Variants in STAG1 observed in about 807,000 individuals in gnomAD.
The protein encoded by STAG1 is cohesin subunit SA-1.
Under a neutral mutation model 170.9 loss-of-function variants are expected in STAG1, and 26 were observed. The ratio of observed to expected loss-of-function variants is 0.15; its 90% CI spans 0.11 to 0.21. The LOEUF (loss-of-function observed/expected upper bound fraction) is 0.21, where lower values mean the gene tolerates loss of function less well. Ranked by LOEUF, STAG1 falls within the 10% of genes least tolerant of loss-of-function variation. The pLI is 1.00. For missense variants in STAG1, 964 were observed against 1,509.5 expected, an observed-to-expected ratio of 0.64 and a Z score of 5.99; for synonymous variants, 514 against 497.7, an observed-to-expected ratio of 1.03 and a Z score of -0.44.
intron 14 of STAG1, 134 bp downstream of exon 14, chr3:136,451,899 T>C (rs1398524938): frequency 8.2e-6 from 5 of 609,116 alleles, no homozygotes; most frequent in East Asian, 2.9e-5. Flanking sequence ...ACTGATTCTA[T>C]ATCATGCAAT....
chr3:136,700,783 T>A (rs1943032744), intron 1 of STAG1, among the ~76,000 whole-genome samples: 1 of 152,052 alleles, frequency 6.6e-6, no homozygotes. Flanking sequence ...AACGATCCTG[T>A]TCATTTATAA....
chr3:136,357,596 A>G, intron 28 of STAG1, 124 bp downstream of exon 28: 1 of 732,354 alleles, frequency 1.4e-6, no homozygotes, highest in Non-Finnish European at 2.1e-6. Flanking sequence ...AATTCCTTAA[A>G]ACAAACTATC....
At chr3:136,647,166 C>T (rs1432815025) in intron 1 of STAG1, among the ~76,000 whole-genome samples, 1 of 152,032 alleles carries the variant, frequency 6.6e-6, no homozygotes, top group East Asian at 1.9e-4. Flanking sequence ...ATAATTGTGG[C>T]ACAGAAAATG....
chr3:136,406,019 A>G (rs2087474059), intron 21 of STAG1, among the ~76,000 whole-genome samples: 1 of 152,144 alleles, frequency 6.6e-6, no homozygotes, highest in African/African-American at 2.4e-5. Flanking sequence ...CATAAAACCT[A>G]GCAATTTTAC....
intron 21 of STAG1, among the ~76,000 whole-genome samples, chr3:136,400,191 A>G (rs1251057602): frequency 1.3e-5 from 2 of 151,996 alleles, no homozygotes; most frequent in Admixed American, 1.3e-4. Context: ...CCATACTGCT[A>G]GGATCACAGG....
chr3:136,513,472 TAAAC>T (rs141538665), intron 7 of STAG1, among the ~76,000 whole-genome samples: 2,552 of 151,494 alleles, frequency 0.017, 75 homozygotes, highest in African/African-American at 0.059. Flanking sequence ...AAATGGAAAA[TAAAC>T]ATACATAACA....
At chr3:136,642,264 C>CT (rs10592920) in intron 1 of STAG1, among the ~76,000 whole-genome samples, 1,818 of 84,924 alleles carry the variant, frequency 0.021, 146 homozygotes, top group African/African-American at 0.049. Flanking sequence ...GACAGAATTT[C>CT]TTTTTTTTTT....
At chr3:136,601,731 G>C (rs1938686081) in intron 4 of STAG1, among the ~76,000 whole-genome samples, 1 of 152,248 alleles carries the variant, frequency 6.6e-6, no homozygotes, top group Non-Finnish European at 1.5e-5. Flanking sequence ...CAGCTACTCG[G>C]GAGGTTGAGG....
chr3:136,520,464 TCAA>T lies in STAG1; in HGVS notation c.676+746_676+748del, dbSNP rs577855380. ...TATTTAAACATACACTTATGAACAC[TCAA>T]CAAGTATACACACACTCCATTATGA... is the stretch of plus-strand genomic sequence containing the variant. On this transcript the variant is annotated intron_variant, in intron 7 of 33. Transcript: ENST00000383202. 2.0e-5 allele frequency among the ~76,000 whole-genome samples: 3 copies of T among 152,078 alleles called. No individual in the cohort carries two copies. The South Asian group carries it at 6.2e-4, about 32-fold the overall frequency.
chr3:136,576,571 AAT>A (rs1221894989), intron 4 of STAG1, among the ~76,000 whole-genome samples: 1 of 152,206 alleles, frequency 6.6e-6, no homozygotes, highest in Non-Finnish European at 1.5e-5. Context: ...TTCCATAAGG[AAT>A]ATGAGGTAGT....
intron 10 of STAG1, among the ~76,000 whole-genome samples, chr3:136,475,560 T>C (rs769703998): frequency 6.6e-6 from 1 of 152,184 alleles, no homozygotes; most frequent in Non-Finnish European, 1.5e-5. Flanking sequence ...AGAGTGGTCC[T>C]GGGAATCAGA....
intron 1 of STAG1, among the ~76,000 whole-genome samples, chr3:136,702,414 T>A (rs1943110935): frequency 6.6e-6 from 1 of 152,090 alleles, no homozygotes. Context: ...TGAGATGGAG[T>A]CTTGCTCTGT....
chr3:136,727,659 G>GT (rs1249324088), intron 1 of STAG1, among the ~76,000 whole-genome samples: 1 of 152,124 alleles, frequency 6.6e-6, no homozygotes, highest in Non-Finnish European at 1.5e-5. Context: ...CATGCTAGGT[G>GT]TAACAGGTTA....
chr3:136,385,751 G>C (rs1244113521), intron 22 of STAG1, among the ~76,000 whole-genome samples: 2 of 152,098 alleles, frequency 1.3e-5, no homozygotes. Flanking sequence ...TCCCAGGCTG[G>C]AGTGCAGTGG....
chr3:136,690,338 G>A (rs1046533449), intron 1 of STAG1, among the ~76,000 whole-genome samples: 3 of 152,186 alleles, frequency 2.0e-5, no homozygotes, highest in Non-Finnish European at 4.4e-5. Context: ...CCGTGCTCAA[G>A]TGATTCTCCT....
At chr3:136,380,068 A>G (rs1937866744) in intron 22 of STAG1, among the ~76,000 whole-genome samples, 1 of 152,224 alleles carries the variant, frequency 6.6e-6, no homozygotes. Flanking sequence ...ACATTTCACC[A>G]TCACCCTACA....
chr3:136,742,178 GATT>G (rs1340269899), intron 1 of STAG1, among the ~76,000 whole-genome samples: 2 of 152,120 alleles, frequency 1.3e-5, no homozygotes, highest in African/African-American at 2.4e-5. Context: ...CAAATACATA[GATT>G]ATTTGAAAAG....
intron 5 of STAG1, 129 bp from the exon 6 acceptor site, chr3:136,542,324 A>G: frequency 4.4e-6 from 3 of 676,120 alleles, no homozygotes; most frequent in Non-Finnish European, 7.4e-6. Context: ...TTTTATATTA[A>G]AACATAAAAT....
intron 1 of STAG1, among the ~76,000 whole-genome samples, chr3:136,675,273 TAC>T (rs1452810928): frequency 1.3e-5 from 2 of 152,176 alleles, no homozygotes; most frequent in Non-Finnish European, 2.9e-5. Context: ...GAGTTCCTGG[TAC>T]AGTCAATGTT....
Sources: gnomAD v4.1 joint callset for allele counts (sites outside exome capture counted in the v4.1 genomes callset) on GRCh38, gnomAD v4.1.1 for gene constraint, MANE v1.5 for transcripts, NCBI Gene and HGNC (gene_info 2026-07-23, HGNC 2026-07-21) for gene names.